The following SPIRE1 variants were observed in gnomAD, a reference collection of about 807,000 sequenced individuals.
SPIRE1 encodes spire type actin nucleation factor 1, also known as protein spire homolog 1.
A neutral mutation model predicts 94.1 loss-of-function variants in SPIRE1; 40 were observed. That is an observed-to-expected ratio of 0.43 (90% CI 0.33 to 0.55). SPIRE1 has a LOEUF of 0.55. SPIRE1 is among the 20% of genes least tolerant of loss of function. The pLI is 0.06. For missense variants in SPIRE1, 838 were observed against 975.2 expected (o/e 0.86, Z 1.87); for synonymous variants, 376 against 371.7 (o/e 1.01, Z -0.13).
rs144627255 is a variant in SPIRE1 at position 12,562,663 on chromosome 18, A to G, written c.373-15759T>C. On this transcript the variant is annotated intron_variant, in intron 2 of 16. Transcript: ENST00000409402. ...GATGCTCTCCCGCCCCCCACCCCCAATGCCTGGCTAGTTTTTAAAAAAATT... is the reference window on the plus strand; with the variant it reads ...GATGCTCTCCCGCCCCCCACCCCCAGTGCCTGGCTAGTTTTTAAAAAAATT... 2.6e-4 allele frequency among the ~76,000 whole-genome samples: 26 copies of G among 99,028 alleles called. 1 individual carries two copies. In the East Asian group the frequency reaches 9.5e-3, roughly 36 times the overall value. The allele number at this position is 99,028 out of a possible 152,430, so 65.0% of individuals were successfully genotyped here. A position where few individuals can be genotyped will look rare whatever the true frequency, so the allele number is the denominator to read the frequency against.
Position 12,449,386 on chromosome 18 carries a change from C to T in SPIRE1, c.*252G>A, listed in dbSNP as rs1598877519. The T allele has an allele frequency of 2.0e-6, 1 of 502,308 alleles. No individual in the cohort carries two copies. Among genetic ancestry groups the T allele is most frequent in the East Asian group, 3.5e-5 (1 of 28,216 alleles). The allele number at this position is 502,308 out of a possible 1,614,324, so 31.1% of individuals were successfully genotyped here. A position where few individuals can be genotyped will look rare whatever the true frequency, so the allele number is the denominator to read the frequency against. ...AAGTAGCTACTGGCTTCCAAAGCCA[C>T]ACACACACAAAAGTAAGTTTCAAAC... is the stretch of plus-strand genomic sequence containing the variant. On this transcript the variant is annotated 3_prime_UTR_variant, in exon 17 of 17. Transcript: ENST00000409402.
intron 6 of SPIRE1, among the ~76,000 whole-genome samples, chr18:12,497,733 T>C (rs1478181486): frequency 6.6e-6 from 1 of 152,212 alleles, no homozygotes; most frequent in East Asian, 1.9e-4. Flanking sequence ...TTTCATATTA[T>C]GTAGATTAAA....
At position 12,559,331 on chromosome 18, in the gene SPIRE1, G is replaced by A. The variant is rs542606774; in HGVS notation, c.373-12427C>T. ...CGCACCCTCCACAGCTGCTGGCGCG[G>A]GTGCTAAGCCTCTCATTGCCCGGGC... is the stretch of plus-strand genomic sequence containing the variant. On this transcript the variant is annotated intron_variant, in intron 2 of 16. Coordinates refer to ENST00000409402, the MANE Select transcript of SPIRE1 (RefSeq NM_001128626.2). This position sits in a 1 kb window ranked among gnomAD's most constrained non-coding sequence, Gnocchi z 4.7. Among the ~76,000 whole-genome samples the A allele has an allele frequency of 2.0e-5, 3 of 152,292 alleles. No individual in the cohort carries two copies. In the South Asian group the frequency reaches 6.2e-4, roughly 32 times the overall value.
In SPIRE1 at chr18:12,475,607, A is replaced by G. The variant is rs540724674; in HGVS notation, c.1404+4092T>C. On this transcript the variant is annotated intron_variant, in intron 10 of 16. Coordinates refer to ENST00000409402, the MANE Select transcript of SPIRE1 (RefSeq NM_001128626.2). ...AAAATTACTATAAAATGTGAACGAAAAAAAACCCTGTAATGTGACATGGGA... is the reference window on the plus strand; with the variant it reads ...AAAATTACTATAAAATGTGAACGAAGAAAAACCCTGTAATGTGACATGGGA... Among the ~76,000 whole-genome samples the G allele has an allele frequency of 5.9e-5, 9 of 152,330 alleles. No homozygotes were observed. In the East Asian group the frequency reaches 1.5e-3, roughly 26 times the overall value.
chr18:12,558,718 T>G (rs770342232), intron 2 of SPIRE1, among the ~76,000 whole-genome samples: 4 of 151,930 alleles, frequency 2.6e-5, no homozygotes, highest in Non-Finnish European at 5.9e-5. Context: ...CCGCACCAGA[T>G]TAGCTAGATA....
chr18:12,518,430 T>A (rs2034262033), intron 4 of SPIRE1, among the ~76,000 whole-genome samples: 1 of 151,398 alleles, frequency 6.6e-6, no homozygotes, highest in African/African-American at 2.4e-5. Context: ...GTGTTGGAAG[T>A]GCAGTGAGCT....
At chr18:12,547,930 A>T (rs1264153590) in intron 2 of SPIRE1, among the ~76,000 whole-genome samples, 1 of 151,552 alleles carries the variant, frequency 6.6e-6, no homozygotes, top group African/African-American at 2.4e-5. Context: ...AAAACAAACA[A>T]ACAAACAACA....
chr18:12,470,455 T>G (rs1471906132), intron 10 of SPIRE1, among the ~76,000 whole-genome samples: 1 of 152,192 alleles, frequency 6.6e-6, no homozygotes, highest in Non-Finnish European at 1.5e-5. Flanking sequence ...AACAGGCAGC[T>G]GCACACAATT....
intron 1 of SPIRE1, among the ~76,000 whole-genome samples, chr18:12,651,111 C>T (rs1197896086): frequency 6.6e-6 from 1 of 152,056 alleles, no homozygotes; most frequent in Non-Finnish European, 1.5e-5. Flanking sequence ...TTACATCACC[C>T]ATGTAAAACT....
chr18:12,647,922 GC>G (rs1776439825), intron 1 of SPIRE1, among the ~76,000 whole-genome samples: 1 of 152,126 alleles, frequency 6.6e-6, no homozygotes, highest in Non-Finnish European at 1.5e-5. Context: ...ATCTTGCAGT[GC>G]CAGAAAGCAA....
chr18:12,594,282 GA>G (rs2036613121), intron 2 of SPIRE1, among the ~76,000 whole-genome samples: 1 of 152,104 alleles, frequency 6.6e-6, no homozygotes, highest in Non-Finnish European at 1.5e-5. Flanking sequence ...AGATATCTGT[GA>G]TCAAACCAAC....
chr18:12,469,161 A>C (rs184738540), intron 10 of SPIRE1, among the ~76,000 whole-genome samples: 1 of 152,288 alleles, frequency 6.6e-6, no homozygotes, highest in Non-Finnish European at 1.5e-5. Context: ...ATTTCAGTTT[A>C]GGTGAATTTA....
At chr18:12,549,676 C>G (rs1250486639) in intron 2 of SPIRE1, among the ~76,000 whole-genome samples, 1 of 151,660 alleles carries the variant, frequency 6.6e-6, no homozygotes, top group Non-Finnish European at 1.5e-5. Context: ...GTCTCGATCT[C>G]CTGACCTCGT....
chr18:12,657,637 T>G lies in SPIRE1; in HGVS notation c.230A>C (p.Gln77Pro). The G allele has an allele frequency of 3.0e-6, 4 of 1,316,216 alleles. No homozygotes were observed. Among genetic ancestry groups the G allele is most frequent in the Non-Finnish European group, 3.9e-6 (4 of 1,031,684 alleles). 81.5% of individuals were successfully genotyped at this position (1,316,216 alleles called of 1,614,324 possible). The change falls in exon 1 of 17, where the codon CAG (glutamine) becomes CCG (proline). Residue 77 changes from glutamine (Q) to proline (P), a missense_variant. Gln to Pro is a moderately conservative substitution (Grantham distance 76, BLOSUM62 -1). This residue lies in a region of SPIRE1 where 193 missense variants were observed against 170.5 expected (regional missense o/e 1.13). Transcript: ENST00000409402. ...GGCCGAGCGCACACGGTGGCGGGGC[T>G]GGCGGCGGCGGGCGGCGGCGCGCAG... ...GSLRAAARRR[Q>P]PRHRVRSAAQ...
At chr18:12,524,851 C>CA (rs1331997083) in intron 4 of SPIRE1, among the ~76,000 whole-genome samples, 1 of 152,040 alleles carries the variant, frequency 6.6e-6, no homozygotes, top group Non-Finnish European at 1.5e-5. Flanking sequence ...TGGTGGTGAA[C>CA]ACCTGTAGTC....
In SPIRE1 at chr18:12,592,013, GA is replaced by G. The variant is rs556289869; in HGVS notation, c.372+43048del. Among the ~76,000 whole-genome samples, 350 of 149,412 alleles carry G rather than the reference GA, an allele frequency of 2.3e-3. 2 individuals are homozygous for G. Among genetic ancestry groups the G allele is most frequent in the South Asian group, 0.014 (67 of 4,666 alleles). On this transcript the variant is annotated intron_variant, in intron 2 of 16. Coordinates refer to ENST00000409402, the MANE Select transcript of SPIRE1 (RefSeq NM_001128626.2). ...AAAAAATCAAGAATAGGTTTGGGGGGAAAAAATCAGGAATTAACTTTAACTT... is the reference window on the plus strand; with the variant it reads ...AAAAAATCAAGAATAGGTTTGGGGGGAAAAATCAGGAATTAACTTTAACTT...
chr18:12,486,038 T>A, intron 8 of SPIRE1, 38 bp from the exon 9 acceptor site: 1 of 1,486,318 alleles, frequency 6.7e-7, no homozygotes, highest in Non-Finnish European at 9.1e-7. Context: ...AGAAAATAAT[T>A]CAGCTGTTAG....
chr18:12,569,822 T>C (rs1234765462), intron 2 of SPIRE1, among the ~76,000 whole-genome samples: 1 of 152,194 alleles, frequency 6.6e-6, no homozygotes, highest in Non-Finnish European at 1.5e-5. Flanking sequence ...TGTAAAGTTT[T>C]AGAACTAAAT....
chr18:12,639,365 A>G (rs1212355511), intron 1 of SPIRE1, among the ~76,000 whole-genome samples: 1 of 152,198 alleles, frequency 6.6e-6, no homozygotes, highest in African/African-American at 2.4e-5. Flanking sequence ...ACCTTTGAAG[A>G]AAGACTCAGA....
Sources: gnomAD v4.1 joint callset for allele counts (sites outside exome capture counted in the v4.1 genomes callset) on GRCh38, gnomAD v4.1.1 for gene constraint, gnomAD v4.1.1 regional missense constraint, Gnocchi (gnomAD v3.1) non-coding constraint, MANE v1.5 for transcripts, NCBI Gene and HGNC (gene_info 2026-07-23, HGNC 2026-07-21) for gene names.